The following ARIH1 variants were observed in gnomAD, a reference collection of about 807,000 sequenced individuals.
ARIH1 encodes E3 ubiquitin-protein ligase ARIH1.
Under a neutral mutation model 85.0 loss-of-function variants are expected in ARIH1, and 8 were observed. That is an observed-to-expected ratio of 0.09 (90% CI 0.06 to 0.17). The LOEUF (loss-of-function observed/expected upper bound fraction) is 0.17. Among genes scored for constraint, ARIH1 ranks in the 10% least tolerant of loss-of-function variants. The pLI is 1.00. For synonymous variants in ARIH1, 238 were observed against 253.6 expected (o/e 0.94, Z 0.59); for missense variants, 311 against 718.1 (o/e 0.43, Z 6.48).
In ARIH1 at chr15:72,474,453, G is replaced by A; in HGVS notation, c.-187G>A. The A allele has an allele frequency of 1.4e-6, 1 of 718,504 alleles. No homozygotes were observed. The highest frequency in any genetic ancestry group is 2.2e-6 in the Non-Finnish European group (1 of 461,938). 44.5% of individuals were successfully genotyped at this position (718,504 alleles called of 1,614,324 possible). ...CCCTCGCTCCCTCCCTCCCTCCTCC[G>A]CGCCCTCCCCGCCGCCACCAGCCGT... On this transcript the variant is annotated 5_prime_UTR_variant, in exon 1 of 14. Transcript: ENST00000379887.
chr15:72,555,178 G>A (rs566068572), intron 3 of ARIH1, 93 bp from the exon 4 acceptor site: 11 of 891,756 alleles, frequency 1.2e-5, no homozygotes, highest in African/African-American at 1.2e-4. Flanking sequence ...AGCCACGTAA[G>A]AAATGTGACC....
chr15:72,536,023 A>G lies in ARIH1; in HGVS notation c.444-8797A>G, dbSNP rs534899319. Among the ~76,000 whole-genome samples, 92 of 152,282 alleles carry G rather than the reference A, an allele frequency of 6.0e-4. 1 individual carries two copies. Among genetic ancestry groups the G allele is most frequent in the African/African-American group, 2.1e-3 (87 of 41,564 alleles). On this transcript the variant is annotated intron_variant, in intron 2 of 13. Transcript: ENST00000379887. ...AATTGTTGAAATGCCAGGGACCTCC[A>G]ATTACAAATTTATGTGTTTGATGAT...
intron 1 of ARIH1, among the ~76,000 whole-genome samples, chr15:72,491,132 A>T (rs1217136651): frequency 1.3e-5 from 2 of 152,066 alleles, no homozygotes; most frequent in Admixed American, 6.6e-5. Context: ...AAATAAAAAT[A>T]AAAAATAAAA....
intron 1 of ARIH1, among the ~76,000 whole-genome samples, chr15:72,500,933 C>A (rs2063900213): frequency 6.6e-6 from 1 of 152,114 alleles, no homozygotes; most frequent in African/African-American, 2.4e-5. Context: ...TTAATGTAAT[C>A]CTTAAGGTCT....
At position 72,524,475 on chromosome 15, in the gene ARIH1, A is replaced by G. The variant is rs117702209; in HGVS notation, c.443+6341A>G. On this transcript the variant is annotated intron_variant, in intron 2 of 13. Transcript: ENST00000379887. The stretch of plus-strand genomic sequence containing the variant: ...GTGATCCGCCCACCTTGGCCTCCCA[A>G]AGTGCTGTGTGAGCCACTGCGCCAG... 1.5e-3 allele frequency among the ~76,000 whole-genome samples: 223 copies of G among 152,284 alleles called. 5 individuals carry two copies. The East Asian group carries it at 0.034, about 23-fold the overall frequency.
chr15:72,556,460 TGGGACTACCCA>T (rs950090608), intron 5 of ARIH1, among the ~76,000 whole-genome samples: 1 of 152,260 alleles, frequency 6.6e-6, no homozygotes, highest in African/African-American at 2.4e-5. Flanking sequence ...AGTTGTTGGC[TGGGACTACCCA>T]GGGAGTCATG....
chr15:72,582,504 T>C lies in ARIH1; in HGVS notation c.1589+317T>C, dbSNP rs2064298792. On this transcript the variant is annotated intron_variant, in intron 13 of 13. Transcript: ENST00000379887. This position sits in a 1 kb window ranked among gnomAD's most constrained non-coding sequence, Gnocchi z 4.6. ...GATGAGAGTGAGAATTGAATGTTGGTCTTAGCCTGAGAATCCTATGTATGG... is the reference window on the plus strand; with the variant it reads ...GATGAGAGTGAGAATTGAATGTTGGCCTTAGCCTGAGAATCCTATGTATGG... Among the ~76,000 whole-genome samples, 1 of 152,096 alleles carries C rather than the reference T, an allele frequency of 6.6e-6. No individual in the cohort carries two copies. The highest frequency in any genetic ancestry group is 2.4e-5 in the African/African-American group (1 of 41,412).
At chr15:72,510,062 A>C (rs772639663) in intron 1 of ARIH1, among the ~76,000 whole-genome samples, 16 of 152,090 alleles carry the variant, frequency 1.1e-4, no homozygotes, top group Non-Finnish European at 1.8e-4. Flanking sequence ...GACTACAGGG[A>C]TCTCCCACCT....
chr15:72,542,157 G>T (rs1414201344), intron 2 of ARIH1, among the ~76,000 whole-genome samples: 1 of 152,100 alleles, frequency 6.6e-6, no homozygotes, highest in Non-Finnish European at 1.5e-5. Flanking sequence ...CAATTTAAAG[G>T]TGAGATCTAA....
At chr15:72,508,051 A>C (rs954672336) in intron 1 of ARIH1, among the ~76,000 whole-genome samples, 1 of 152,222 alleles carries the variant, frequency 6.6e-6, no homozygotes, top group East Asian at 1.9e-4. Flanking sequence ...ATATATATTC[A>C]TATTCTACCC....
intron 1 of ARIH1, among the ~76,000 whole-genome samples, chr15:72,488,427 C>A (rs918647481): frequency 6.6e-6 from 1 of 152,152 alleles, no homozygotes; most frequent in Non-Finnish European, 1.5e-5. Context: ...ATCTGCCAGG[C>A]TGGCTGCGGT....
At chr15:72,574,274 A>G (rs1284914159) in intron 11 of ARIH1, among the ~76,000 whole-genome samples, 1 of 152,260 alleles carries the variant, frequency 6.6e-6, no homozygotes, top group Non-Finnish European at 1.5e-5. Flanking sequence ...GGACTAAACT[A>G]GAATCTTCTA....
rs190642980 is a variant in ARIH1, at chr15:72,582,597, A to T, written c.1589+410A>T. Among the ~76,000 whole-genome samples, 2,839 of 150,512 alleles carry T rather than the reference A, an allele frequency of 0.019. 68 individuals are homozygous for T. Among genetic ancestry groups the T allele is most frequent in the African/African-American group, 0.06 (2,414 of 40,516 alleles). ...GAGTTTTTATTACATATATATATAT[A>T]TATTTTTTTAATCTAAGGAGATACT... On this transcript the variant is annotated intron_variant, in intron 13 of 13. Coordinates refer to ENST00000379887, the MANE Select transcript of ARIH1 (RefSeq NM_005744.5). The surrounding 1 kb of genome is among the most constrained non-coding windows in gnomAD (Gnocchi z 4.6).
At position 72,563,377 on chromosome 15, in the gene ARIH1, T is replaced by C; in HGVS notation, c.805-17T>C. 1 of 1,608,176 alleles carries C rather than the reference T, an allele frequency of 6.2e-7. No individual in the cohort carries two copies. Among genetic ancestry groups the C allele is most frequent in the Non-Finnish European group, 8.5e-7 (1 of 1,174,672 alleles). Reference sequence around the variant, plus strand: ...CCCAGCCAGCTGTCATTTTTTATTTTCTAACTTGTATTTCAGTGCAATCGA... The same window carrying C: ...CCCAGCCAGCTGTCATTTTTTATTTCCTAACTTGTATTTCAGTGCAATCGA... On this transcript the variant is annotated splice_polypyrimidine_tract_variant and intron_variant, in intron 6 of 13. Transcript: ENST00000379887.
intron 3 of ARIH1, among the ~76,000 whole-genome samples, chr15:72,546,425 C>T (rs192691426): frequency 5.9e-5 from 9 of 152,150 alleles, no homozygotes; most frequent in Non-Finnish European, 5.9e-5. Context: ...AAGTTCTGAT[C>T]GTAACTCTAA....
In ARIH1 at chr15:72,589,988, T is replaced by G. The variant is rs1218808881; in HGVS notation, c.*6696T>G. ...CATCTCAGTCTTATGATGTAGTTAC[T>G]ATTTTCATTTTATAAATAAGAAAAT... On this transcript the variant is annotated 3_prime_UTR_variant, in exon 14 of 14. Coordinates refer to ENST00000379887, the MANE Select transcript of ARIH1 (RefSeq NM_005744.5). 4 of 152,216 alleles carry G rather than the reference T, an allele frequency of 2.6e-5. No homozygotes were observed. The highest frequency in any genetic ancestry group is 7.2e-5 in the African/African-American group (3 of 41,454). The allele number at this position is 152,216 out of a possible 1,614,324, so 9.4% of individuals were successfully genotyped here.
chr15:72,512,764 C>T (rs556830826), intron 1 of ARIH1, among the ~76,000 whole-genome samples: 1 of 151,962 alleles, frequency 6.6e-6, no homozygotes, highest in Non-Finnish European at 1.5e-5. Context: ...TTTCCTCTTT[C>T]AAGCTTGGAT....
At chr15:72,565,337 G>A (rs942185659) in intron 7 of ARIH1, among the ~76,000 whole-genome samples, 1 of 152,074 alleles carries the variant, frequency 6.6e-6, no homozygotes, top group Non-Finnish European at 1.5e-5. Context: ...TAATCCACCT[G>A]CCTCGGCCCT....
At position 72,599,723 on chromosome 15, in the gene ARIH1, G is replaced by C. The variant is rs1413914047; in HGVS notation, c.*16431G>C. The C allele has an allele frequency of 6.6e-6, 1 of 152,036 alleles. No homozygotes were observed. The highest frequency in any genetic ancestry group is 1.5e-5 in the Non-Finnish European group (1 of 68,014). 9.4% of individuals were successfully genotyped at this position (152,036 alleles called of 1,614,324 possible). On this transcript the variant is annotated 3_prime_UTR_variant, in exon 14 of 14. Transcript: ENST00000379887. ...TATGTAACTATTTTAACAACCTGAG[G>C]ACTTTTACAGGCTGCATAATATGTC...
Sources: allele counts gnomAD v4.1 joint callset (sites outside exome capture counted in the v4.1 genomes callset), GRCh38; gene constraint gnomAD v4.1.1; non-coding constraint Gnocchi (gnomAD v3.1); transcripts MANE v1.5; gene names NCBI Gene and HGNC (gene_info 2026-07-23, HGNC 2026-07-21).